The following SYT17 variants were observed in gnomAD, a reference collection of about 807,000 sequenced individuals.
SYT17 encodes the protein synaptotagmin 17.
SYT17 carries 22 observed loss-of-function variants against 46.7 expected under a neutral mutation model. The observed-to-expected ratio is 0.47, with a 90% CI of 0.34 to 0.67. The LOEUF is 0.67. SYT17 is among the 30% of genes least tolerant of loss of function. The pLI is 0.01. For synonymous variants in SYT17, 251 were observed against 248.4 expected, an observed-to-expected ratio of 1.01 and a Z score of -0.10; for missense variants, 519 against 612.8, an observed-to-expected ratio of 0.85 and a Z score of 1.62.
At chr16:19,250,551 A>T (rs902648291) in intron 7 of SYT17, among the ~76,000 whole-genome samples, 5 of 151,946 alleles carry the variant, frequency 3.3e-5, no homozygotes, top group Admixed American at 2.6e-4. Context: ...CTAATTTTAA[A>T]TCTTTTTTGT....
intron 7 of SYT17, among the ~76,000 whole-genome samples, chr16:19,254,654 T>C (rs1234789868): frequency 6.6e-6 from 1 of 152,182 alleles, no homozygotes; most frequent in Non-Finnish European, 1.5e-5. Flanking sequence ...GATGAAATAT[T>C]GTAACTAGCT....
At chr16:19,227,056 G>T (rs1966521600) in intron 7 of SYT17, among the ~76,000 whole-genome samples, 1 of 152,138 alleles carries the variant, frequency 6.6e-6, no homozygotes, top group African/African-American at 2.4e-5. Context: ...AGATCTGCGT[G>T]CTTAGGTTTT....
chr16:19,228,169 A>G (rs1227789539), intron 7 of SYT17, among the ~76,000 whole-genome samples: 1 of 152,114 alleles, frequency 6.6e-6, no homozygotes. Context: ...CTTGAATTCC[A>G]TATGGTTACC....
intron 7 of SYT17, among the ~76,000 whole-genome samples, chr16:19,265,328 T>C (rs775461872): frequency 3.9e-5 from 6 of 152,218 alleles, no homozygotes; most frequent in Non-Finnish European, 4.4e-5. Flanking sequence ...GTACAAAAAA[T>C]ATACATGGTC....
Position 19,168,518 on chromosome 16 carries a change from C to A in SYT17, c.-129C>A. ...GGCGCCGCTCATCAGCCACGCCAGT[C>A]ACGTCTGGGGCCACCGGCTGCCTTT... On this transcript the variant is annotated 5_prime_UTR_variant, in exon 1 of 8. Transcript: ENST00000355377. The surrounding 1 kb of genome is among the most constrained non-coding windows in gnomAD (Gnocchi z 6.9). 7.4e-7 allele frequency: 1 copy of A among 1,345,784 alleles called. No homozygotes were observed. Among genetic ancestry groups the A allele is most frequent in the South Asian group, 1.3e-5 (1 of 75,072 alleles). 83.4% of individuals were successfully genotyped at this position (1,345,784 alleles called of 1,614,324 possible).
intron 5 of SYT17, among the ~76,000 whole-genome samples, chr16:19,198,306 G>T (rs143582287): frequency 7.9e-5 from 12 of 152,212 alleles, no homozygotes; most frequent in African/African-American, 2.9e-4. Flanking sequence ...AGACTTAGTC[G>T]TTATGAAGCA....
Position 19,224,665 on chromosome 16 carries a change from G to A in SYT17, c.1073-18G>A, listed in dbSNP as rs199781941. ...TTCATGATCTCCAACATTCTATGATGCTGTGTCTAATTTTCAGACCCCTTT... is the reference window on the plus strand; with the variant it reads ...TTCATGATCTCCAACATTCTATGATACTGTGTCTAATTTTCAGACCCCTTT... On this transcript the variant is annotated intron_variant, in intron 6 of 7. Transcript: ENST00000355377. 5.3e-5 allele frequency: 85 copies of A among 1,613,466 alleles called. No homozygotes were observed. The highest frequency in any genetic ancestry group is 7.6e-6 in the Non-Finnish European group (9 of 1,179,598).
intron 5 of SYT17, among the ~76,000 whole-genome samples, chr16:19,209,739 G>T (rs1034974324): frequency 3.3e-5 from 5 of 151,908 alleles, no homozygotes; most frequent in Admixed American, 3.3e-4. Flanking sequence ...TTAGCCGGGC[G>T]TGGTGGTGGG....
intron 5 of SYT17, among the ~76,000 whole-genome samples, chr16:19,205,843 T>C (rs1965649999): frequency 6.6e-6 from 1 of 152,244 alleles, no homozygotes; most frequent in African/African-American, 2.4e-5. Context: ...AGCTTTGTTT[T>C]TCTTCCTAGC....
rs138536169 is a variant in SYT17 at position 19,183,232 on chromosome 16, A to G, written c.332-296A>G. On this transcript the variant is annotated intron_variant, in intron 4 of 7. Coordinates refer to ENST00000355377, the MANE Select transcript of SYT17 (RefSeq NM_016524.4). This position sits in a 1 kb window ranked among gnomAD's most constrained non-coding sequence, Gnocchi z 5.6. ...TCCTCGTCTATAAAGTGGGGATAAT[A>G]GTAATTATCTAATAATTCAAGGGGA... Among the ~76,000 whole-genome samples the G allele has an allele frequency of 4.6e-3, 707 of 152,366 alleles. 2 individuals are homozygous for G. Among genetic ancestry groups the G allele is most frequent in the Non-Finnish European group, 8.1e-3 (548 of 68,036 alleles).
chr16:19,233,276 T>C (rs2142917993), intron 7 of SYT17, among the ~76,000 whole-genome samples: 1 of 152,022 alleles, frequency 6.6e-6, no homozygotes, highest in East Asian at 1.9e-4. Flanking sequence ...CGGCGGGGAA[T>C]GGGTGGGAGG....
intron 7 of SYT17, among the ~76,000 whole-genome samples, chr16:19,256,237 C>T (rs141445920): frequency 1.1e-3 from 170 of 151,918 alleles, no homozygotes; most frequent in African/African-American, 3.9e-3. Flanking sequence ...GGACATCTTC[C>T]CTCCTTATCT....
chr16:19,219,705 A>G (rs1233338289), intron 5 of SYT17, among the ~76,000 whole-genome samples: 1 of 152,210 alleles, frequency 6.6e-6, no homozygotes, highest in Non-Finnish European at 1.5e-5. Context: ...AATACTTAGC[A>G]TTACCTGAAA....
intron 5 of SYT17, 119 bp downstream of exon 5, chr16:19,184,266 ATTT>A: frequency 2.2e-6 from 3 of 1,365,728 alleles, no homozygotes; most frequent in Non-Finnish European, 2.9e-6. Context: ...TTTTGAAATA[ATTT>A]TTGACTCACA....
At chr16:19,191,107 T>C (rs1965001392) in intron 5 of SYT17, among the ~76,000 whole-genome samples, 1 of 152,032 alleles carries the variant, frequency 6.6e-6, no homozygotes, top group Non-Finnish European at 1.5e-5. Context: ...GATACACAGT[T>C]GTATCCATTT....
intron 7 of SYT17, among the ~76,000 whole-genome samples, chr16:19,245,074 G>A (rs532458620): frequency 3.3e-5 from 5 of 152,248 alleles, no homozygotes; most frequent in Admixed American, 3.3e-4. Context: ...CTGAGTTTAT[G>A]GTCAGGGTCA....
At chr16:19,252,061 T>C (rs1170266403) in intron 7 of SYT17, among the ~76,000 whole-genome samples, 1 of 151,442 alleles carries the variant, frequency 6.6e-6, no homozygotes, top group African/African-American at 2.4e-5. Flanking sequence ...AATACAAAAA[T>C]TAGCTGGAGG....
At chr16:19,206,052 C>T (rs1307310077) in intron 5 of SYT17, among the ~76,000 whole-genome samples, 1 of 152,078 alleles carries the variant, frequency 6.6e-6, no homozygotes, top group Non-Finnish European at 1.5e-5. Context: ...AGGACTAGAA[C>T]TCATAAAGAA....
At chr16:19,253,620 A>G (rs1472194383) in intron 7 of SYT17, among the ~76,000 whole-genome samples, 1 of 150,784 alleles carries the variant, frequency 6.6e-6, no homozygotes, top group African/African-American at 2.4e-5. Context: ...AGCCTGGGCA[A>G]TGGAGCAAGA....
Sources: allele counts gnomAD v4.1 joint callset (sites outside exome capture counted in the v4.1 genomes callset), GRCh38; gene constraint gnomAD v4.1.1; non-coding constraint Gnocchi (gnomAD v3.1); transcripts MANE v1.5; gene names NCBI Gene and HGNC (gene_info 2026-07-23, HGNC 2026-07-21).